SAMD9: variants seen among roughly 807,000 people sequenced by gnomAD.
SAMD9 encodes the protein sterile alpha motif domain-containing protein 9.
In SAMD9, 3 loss-of-function variants were observed where a neutral mutation model predicts 1.5. The ratio of observed to expected loss-of-function variants is 2.05; its 90% CI spans 0.93 to 5.29. The LOEUF (loss-of-function observed/expected upper bound fraction) is 5.29. Among genes scored for constraint, SAMD9 ranks in the 30% most tolerant of loss-of-function variants. The pLI is 0.02. For missense variants in SAMD9, 1,597 were observed against 1,820.8 expected (o/e 0.88, Z 2.24); for synonymous variants, 635 against 631.9 (o/e 1.00, Z -0.07).
At chr7:93,117,064 C>T (rs1791843081) in intron 1 of SAMD9, among the ~76,000 whole-genome samples, 1 of 152,136 alleles carries the variant, frequency 6.6e-6, no homozygotes, top group Admixed American at 6.5e-5. Flanking sequence ...GCCTTAATTC[C>T]AAAGACTTCC....
At position 93,105,878 on chromosome 7, in the gene SAMD9, A is replaced by G. The variant is rs905666524; in HGVS notation, c.220T>C (p.Leu74=). ...GAATCTTCAATGGCTGTTTTCCGCA[A>G]TTCTTTGAATAGTTCTTCTATTTGA... ...AIQIEELFKE[L]RKTAIEDSIQ... is the part of the protein sequence containing the mutation. Residue 74 remains leucine (L), a synonymous_variant, in exon 3 of 3, where the codon TTG becomes CTG. Transcript: ENST00000379958. The G allele has an allele frequency of 1.2e-6, 2 of 1,614,088 alleles. No individual in the cohort carries two copies. Among genetic ancestry groups the G allele is most frequent in the Admixed American group, 1.7e-5 (1 of 60,018 alleles).
intron 2 of SAMD9, among the ~76,000 whole-genome samples, chr7:93,107,652 C>G (rs1355537177): frequency 1.3e-5 from 2 of 152,136 alleles, no homozygotes; most frequent in African/African-American, 2.4e-5. Flanking sequence ...AAATAATACA[C>G]AGAAATATTG....
intron 2 of SAMD9, among the ~76,000 whole-genome samples, chr7:93,109,802 C>A (rs566107847): frequency 2.1e-4 from 32 of 152,184 alleles, no homozygotes; most frequent in African/African-American, 7.5e-4. Flanking sequence ...AAATAAGGGA[C>A]TATATGAAAA....
chr7:93,104,618 A>G lies in SAMD9; in HGVS notation c.1480T>C (p.Cys494Arg). The stretch of plus-strand genomic sequence containing the variant: ...CTGTCAAGGTCTAACCTGCCATTGC[A>G]GAAAATCCAGCTGGGTTGATGGTAA... The part of the protein sequence containing the change: ...NLYHQPSWIF[C>R]NGRLDLDSEK... Residue 494 changes from cysteine to arginine, a missense_variant, in exon 3 of 3, where the codon TGC becomes CGC. Cys to Arg is a radical substitution (Grantham distance 180). Coordinates refer to ENST00000379958, the MANE Select transcript of SAMD9 (RefSeq NM_017654.4). The G allele has an allele frequency of 6.2e-7, 1 of 1,614,074 alleles. No individual in the cohort carries two copies. The highest frequency in any genetic ancestry group is 8.5e-7 in the Non-Finnish European group (1 of 1,179,940).
rs554422501 is a variant in SAMD9, at chr7:93,100,737, A to C, written c.*591T>G. On this transcript the variant is annotated 3_prime_UTR_variant, in exon 3 of 3. Coordinates refer to ENST00000379958, the MANE Select transcript of SAMD9 (RefSeq NM_017654.4). The stretch of plus-strand genomic sequence containing the variant: ...ACAAATTTCATTTTTGCTTAACTGA[A>C]TCTCACTGCATGAAAAGGCAATCTA... The C allele has an allele frequency of 6.6e-6, 1 of 152,518 alleles. No individual in the cohort carries two copies. The highest frequency in any genetic ancestry group is 1.5e-5 in the Non-Finnish European group (1 of 68,360). The allele number at this position is 152,518 out of a possible 1,614,324, so 9.4% of individuals were successfully genotyped here.
chr7:93,102,077 C>T lies in SAMD9; in HGVS notation c.4021G>A (p.Ala1341Thr). 6.2e-7 allele frequency: 1 copy of T among 1,613,178 alleles called. No homozygotes were observed. Among genetic ancestry groups the T allele is most frequent in the Non-Finnish European group, 8.5e-7 (1 of 1,179,760 alleles). The change falls in exon 3 of 3, where the codon GCA (alanine) becomes ACA (threonine). Residue 1341 changes from alanine (A) to threonine (T), a missense_variant. Transcript: ENST00000379958. ...RCRRNLVALK[A>T]DKFSGLLEYL... ...TCCAAGAGCCCAGAAAACTTGTCTG[C>T]TTTTAAAGCTACTAGGTTTCTCCTG...
chr7:93,104,899 C>T lies in SAMD9; in HGVS notation c.1199G>A (p.Gly400Glu). Residue 400 changes from glycine to glutamate, a missense_variant, in exon 3 of 3, where the codon GGA (glycine) becomes GAA (glutamate). Around this residue, in one of 6 missense-constraint regions of SAMD9, gnomAD observed 358 missense variants for 460.4 expected, o/e 0.78. Transcript: ENST00000379958. Reference protein sequence around the residue: ...EGPKLVKLLTGNQDLLDNSYY... With the variant: ...EGPKLVKLLTENQDLLDNSYY... ...TGAATTATCTAACAAATCTTGATTT[C>T]CTGTCAATAATTTAACCAACTTTGG... 6.2e-7 allele frequency: 1 copy of T among 1,612,792 alleles called. No individual in the cohort carries two copies. The highest frequency in any genetic ancestry group is 8.5e-7 in the Non-Finnish European group (1 of 1,179,446).
chr7:93,114,353 A>G (rs1013380468), intron 2 of SAMD9, among the ~76,000 whole-genome samples: 1 of 151,978 alleles, frequency 6.6e-6, no homozygotes, highest in African/African-American at 2.4e-5. Context: ...AATGTAAATG[A>G]CAAGTTAATG....
chr7:93,105,925 C>T lies in SAMD9; in HGVS notation c.173G>A (p.Gly58Asp). Residue 58 changes from glycine (G) to aspartate (D), a missense_variant, in exon 3 of 3, where the codon GGC becomes GAC. By Grantham distance (94) the Gly-to-Asp change is moderately conservative. This residue lies in a region of SAMD9 where 498 missense variants were observed against 457.4 expected (regional missense o/e 1.09). Coordinates refer to ENST00000379958, the MANE Select transcript of SAMD9 (RefSeq NM_017654.4). The part of the protein sequence containing the change: ...WLKKEHLVDM[G>D]ITHGPAIQIE... ...TTGAATAGCTGGTCCATGTGTGATG[C>T]CCATATCAACAAGATGTTCTTTTTT... The T allele has an allele frequency of 6.2e-7, 1 of 1,612,906 alleles. No homozygotes were observed. The highest frequency in any genetic ancestry group is 8.5e-7 in the Non-Finnish European group (1 of 1,179,460).
intron 2 of SAMD9, among the ~76,000 whole-genome samples, chr7:93,107,198 G>A (rs1298935542): frequency 6.6e-6 from 1 of 152,030 alleles, no homozygotes; most frequent in Non-Finnish European, 1.5e-5. Flanking sequence ...GAGTCACCAT[G>A]CCTGGCCTTG....
intron 1 of SAMD9, among the ~76,000 whole-genome samples, chr7:93,115,998 A>G (rs1315241345): frequency 6.6e-6 from 1 of 152,176 alleles, no homozygotes; most frequent in Non-Finnish European, 1.5e-5. Flanking sequence ...CTATGAAAGT[A>G]TGCTCACTTT....
chr7:93,111,490 A>T (rs1261502153), intron 2 of SAMD9, among the ~76,000 whole-genome samples: 1 of 152,256 alleles, frequency 6.6e-6, no homozygotes, highest in South Asian at 2.1e-4. Context: ...GACACAAAAA[A>T]CCCTTCAAAA....
rs907466250 is a variant in SAMD9 at position 93,101,890 on chromosome 7, C to T, written c.4208G>A (p.Arg1403Lys). 4.4e-5 allele frequency: 71 copies of T among 1,613,682 alleles called. No individual in the cohort carries two copies. The highest frequency in any genetic ancestry group is 5.8e-5 in the Non-Finnish European group (68 of 1,179,784). ...IILSCIQPTS[R>K]LVKPVEKLKD... is the part of the protein sequence containing the mutation. The stretch of plus-strand genomic sequence containing the variant: ...TAGTTTTTCAACTGGCTTTACTAAT[C>T]TGGAGGTAGGTTGGATACAGGAGAG... Residue 1403 changes from arginine to lysine, a missense_variant, in exon 3 of 3, where the codon AGA (arginine) becomes AAA (lysine). By Grantham distance (26) the Arg-to-Lys change is conservative. Around this residue, in one of 6 missense-constraint regions of SAMD9, gnomAD observed 682 missense variants for 810.0 expected, o/e 0.84. Transcript: ENST00000379958.
At position 93,105,340 on chromosome 7, in the gene SAMD9, G is replaced by T. The variant is rs1262759855; in HGVS notation, c.758C>A (p.Thr253Asn). Reference protein sequence around the residue: ...PHGKIVGIKVTNDTKEALINH... With the variant: ...PHGKIVGIKVNNDTKEALINH... ...AATGAGGGCTTCCTTGGTATCATTG[G>T]TGACTTTGATGCCAACAATTTTCCC... is the stretch of plus-strand genomic sequence containing the variant. Residue 253 changes from threonine to asparagine, a missense_variant, in exon 3 of 3, where the codon ACC becomes AAC. Thr to Asn is a moderately conservative substitution (Grantham distance 65). Transcript: ENST00000379958. The T allele has an allele frequency of 1.2e-6, 2 of 1,613,934 alleles. No homozygotes were observed. Among genetic ancestry groups the T allele is most frequent in the Non-Finnish European group, 1.7e-6 (2 of 1,179,974 alleles).
intron 2 of SAMD9, among the ~76,000 whole-genome samples, chr7:93,109,620 A>T (rs928348700): frequency 1.1e-4 from 16 of 152,330 alleles, no homozygotes; most frequent in Middle Eastern, 3.4e-3. Flanking sequence ...AAATGACCTG[A>T]TGGAGCTGAA....
intron 2 of SAMD9, among the ~76,000 whole-genome samples, chr7:93,106,821 G>A (rs1304649354): frequency 6.6e-6 from 1 of 152,176 alleles, no homozygotes; most frequent in Non-Finnish European, 1.5e-5. Flanking sequence ...TACAGCAAGT[G>A]TATGTCATTG....
At chr7:93,114,646 T>C (rs1176597468) in intron 2 of SAMD9, 149 bp downstream of exon 2, 1 of 151,850 alleles carries the variant, frequency 6.6e-6, no homozygotes, top group Non-Finnish European at 1.5e-5. Context: ...AGTAATAAAA[T>C]TGACACATCC....
Position 93,105,483 on chromosome 7 carries a change from T to C in SAMD9, c.615A>G (p.Thr205=). 6.2e-7 allele frequency: 1 copy of C among 1,614,084 alleles called. No homozygotes were observed. The highest frequency in any genetic ancestry group is 8.5e-7 in the Non-Finnish European group (1 of 1,179,978). Residue 205 remains threonine (T), a synonymous_variant, in exon 3 of 3, where the codon ACA becomes ACG. Coordinates refer to ENST00000379958, the MANE Select transcript of SAMD9 (RefSeq NM_017654.4). ...HEFKAFTNTA[T]ATEEDVKMKF... ...TCATCTTGACATCCTCTTCTGTGGC[T>C]GTTGCTGTATTTGTGAAGGCTTTGA...
At chr7:93,116,406 C>T (rs1295678370) in intron 1 of SAMD9, among the ~76,000 whole-genome samples, 1 of 152,184 alleles carries the variant, frequency 6.6e-6, no homozygotes, top group Non-Finnish European at 1.5e-5. Flanking sequence ...TGACTGTTTT[C>T]TCTACTAGAG....
Sources: allele counts gnomAD v4.1 joint callset (sites outside exome capture counted in the v4.1 genomes callset), GRCh38; gene constraint gnomAD v4.1.1; regional missense constraint gnomAD v4.1.1; transcripts MANE v1.5; gene names NCBI Gene and HGNC (gene_info 2026-07-23, HGNC 2026-07-21).